AMBP: variants seen among roughly 807,000 people sequenced by gnomAD.
The protein encoded by AMBP is alpha-1-microglobulin/bikunin precursor.
AMBP carries 37 observed loss-of-function variants against 46.3 expected under a neutral mutation model. The ratio of observed to expected loss-of-function variants is 0.80; its 90% CI spans 0.61 to 1.05. AMBP has a LOEUF of 1.05. Among genes scored for constraint, AMBP ranks in the 50% least tolerant of loss-of-function variants. The pLI, the probability that AMBP is intolerant of heterozygous loss-of-function variation, is 0.00. For synonymous variants in AMBP, 174 were observed against 175.9 expected, an observed-to-expected ratio of 0.99 and a Z score of 0.09; for missense variants, 475 against 461.2, an observed-to-expected ratio of 1.03 and a Z score of -0.27.
chr9:114,076,600 C>T lies in AMBP; in HGVS notation c.258G>A (p.Trp86Ter), dbSNP rs535941759. 5.6e-6 allele frequency: 9 copies of T among 1,613,550 alleles called. No individual in the cohort carries two copies. Among genetic ancestry groups the T allele is most frequent in the Middle Eastern group, 3.3e-4 (2 of 6,056 alleles). Residue 86 changes from tryptophan to a stop codon, truncating the protein, a stop_gained and splice_region_variant, in exon 2 of 10, where the codon TGG (tryptophan) becomes TGA (stop). Coordinates refer to ENST00000265132, the MANE Select transcript of AMBP (RefSeq NM_001633.4). LOFTEE classifies it high-confidence loss of function. ...EAEISMTSTR[W>*]RKGVCEETSG... ...TCCAGCCCCACCCTAGTGCTCACCG[C>T]CAACGAGTGCTGGTCATGCTGATCT...
intron 6 of AMBP, among the ~76,000 whole-genome samples, chr9:114,065,770 A>G (rs1169586701): frequency 6.6e-6 from 1 of 152,182 alleles, no homozygotes; most frequent in African/African-American, 2.4e-5. Context: ...AAGAGGACCA[A>G]GGAGTAAATG....
rs368818970 is a variant in AMBP at position 114,061,074 on chromosome 9, C to T, written c.878G>A (p.Arg293Gln). The change falls in exon 9 of 10, where the codon CGG becomes CAG. Residue 293 changes from arginine (R) to glutamine (Q), a missense_variant. Transcript: ENST00000265132. Reference protein sequence around the residue: ...TVAACNLPIVRGPCRAFIQLW... With the variant: ...TVAACNLPIVQGPCRAFIQLW... ...CTGGATGAAGGCTCGGCAGGGGCCC[C>T]GGACTATGGGGAGATTGCAGGCCGC... is the stretch of plus-strand genomic sequence containing the variant. 48 of 1,614,008 alleles carry T rather than the reference C, an allele frequency of 3.0e-5. No homozygotes were observed. Among genetic ancestry groups the T allele is most frequent in the Middle Eastern group, 3.3e-4 (2 of 6,084 alleles).
chr9:114,063,820 T>C (rs1285704749), intron 6 of AMBP, among the ~76,000 whole-genome samples: 1 of 152,282 alleles, frequency 6.6e-6, no homozygotes, highest in East Asian at 1.9e-4. Context: ...AACCACACCA[T>C]AGAGATGATA....
chr9:114,072,871 G>T (rs775159648), intron 5 of AMBP, 54 bp downstream of exon 5: 1 of 1,545,268 alleles, frequency 6.5e-7, no homozygotes, highest in Non-Finnish European at 8.9e-7. Flanking sequence ...GGTCTCTGGC[G>T]CCCACAAGGG....
At chr9:114,064,062 G>A (rs570108448) in intron 6 of AMBP, among the ~76,000 whole-genome samples, 212 of 152,260 alleles carry the variant, frequency 1.4e-3, no homozygotes, top group African/African-American at 4.4e-3. Context: ...AGCATTTAAC[G>A]ACAGAAGTCC....
chr9:114,074,908 G>A (rs1846788794), intron 3 of AMBP, 52 bp downstream of exon 3: 1 of 1,508,966 alleles, frequency 6.6e-7, no homozygotes, highest in Non-Finnish European at 9.2e-7. Context: ...AGGACATCAA[G>A]GTATTTTCAA....
chr9:114,075,720 TG>T (rs1355722319), intron 2 of AMBP, among the ~76,000 whole-genome samples: 2 of 151,974 alleles, frequency 1.3e-5, no homozygotes, highest in Non-Finnish European at 2.9e-5. Flanking sequence ...AAGTACCACA[TG>T]GGGGTAAGTG....
At position 114,072,909 on chromosome 9, in the gene AMBP, G is replaced by A. The variant is rs1249223123; in HGVS notation, c.556+16C>T. The A allele has an allele frequency of 6.2e-7, 1 of 1,611,632 alleles. No homozygotes were observed. On this transcript the variant is annotated intron_variant, in intron 5 of 9. Transcript: ENST00000265132. ...GAAGAGGGGACAGGAATTTGAGGCG[G>A]AGGGGTGCTATGTACCTCGGTCAGC...
intron 6 of AMBP, among the ~76,000 whole-genome samples, chr9:114,067,595 G>T (rs977866273): frequency 2.6e-5 from 4 of 152,098 alleles, no homozygotes; most frequent in African/African-American, 9.7e-5. Flanking sequence ...CATCAAGACA[G>T]GTTTTGTTAA....
At chr9:114,071,628 GA>G (rs1846745647) in intron 5 of AMBP, among the ~76,000 whole-genome samples, 1 of 152,268 alleles carries the variant, frequency 6.6e-6, no homozygotes, top group African/African-American at 2.4e-5. Flanking sequence ...CTGTGAACCA[GA>G]TGGGGAAGTT....
chr9:114,061,413 C>T lies in AMBP; in HGVS notation c.853+11G>A. On this transcript the variant is annotated intron_variant, in intron 8 of 9. Coordinates refer to ENST00000265132, the MANE Select transcript of AMBP (RefSeq NM_001633.4). ...GGTGCAGAGCGCACAGGGGTGGGGA[C>T]CCGCACTCACCCACAGTTCGGCAGG... 6.2e-7 allele frequency: 1 copy of T among 1,614,046 alleles called. No individual in the cohort carries two copies. Among genetic ancestry groups the T allele is most frequent in the Non-Finnish European group, 8.5e-7 (1 of 1,179,982 alleles).
At chr9:114,073,892 G>A (rs891971061) in intron 4 of AMBP, 144 bp downstream of exon 4, 5 of 749,642 alleles carry the variant, frequency 6.7e-6, no homozygotes, top group Non-Finnish European at 1.2e-5. Flanking sequence ...CCTCCAGGGA[G>A]ACTCAGTGAT....
intron 5 of AMBP, 63 bp downstream of exon 5, chr9:114,072,862 G>A: frequency 6.7e-7 from 1 of 1,491,302 alleles, no homozygotes; most frequent in Admixed American, 1.7e-5. Context: ...GGCTGGGATG[G>A]TCTCTGGCGC....
chr9:114,069,928 G>T (rs1452291979), intron 5 of AMBP, 183 bp from the exon 6 acceptor site: 1 of 605,954 alleles, frequency 1.7e-6, no homozygotes, highest in Non-Finnish European at 3.0e-6. Context: ...AGAGACTGGT[G>T]GCTGCACCAT....
chr9:114,062,672 A>G lies in AMBP; in HGVS notation c.685+5T>C, dbSNP rs1846652929. On this transcript the variant is annotated splice_donor_5th_base_variant and intron_variant, in intron 7 of 9. Coordinates refer to ENST00000265132, the MANE Select transcript of AMBP (RefSeq NM_001633.4). ...AGAGGGGGTGAAAAGGCAGGTGTTC[A>G]TTACCTTCTTTCTTGGTGACTTCAG... The G allele has an allele frequency of 6.2e-7, 1 of 1,613,316 alleles. No homozygotes were observed. The highest frequency in any genetic ancestry group is 8.5e-7 in the Non-Finnish European group (1 of 1,179,972).
rs1485146833 is a variant in AMBP at position 114,078,250 on chromosome 9, G to T, written c.-41C>A. The T allele has an allele frequency of 6.3e-6, 10 of 1,584,902 alleles. No homozygotes were observed. The highest frequency in any genetic ancestry group is 8.6e-6 in the Non-Finnish European group (10 of 1,160,538). On this transcript the variant is annotated 5_prime_UTR_variant, in exon 1 of 10. Transcript: ENST00000265132. ...TGCCTTGGTATATCCCACAGGCTCGGTCTAGCAACAGAAGGGCCACCGCCT... is the reference window on the plus strand; with the variant it reads ...TGCCTTGGTATATCCCACAGGCTCGTTCTAGCAACAGAAGGGCCACCGCCT...
rs572209537 is a variant in AMBP at position 114,067,185 on chromosome 9, C to T, written c.603+2514G>A. 3.3e-5 allele frequency among the ~76,000 whole-genome samples: 5 copies of T among 152,148 alleles called. No individual in the cohort carries two copies. The East Asian group carries it at 5.8e-4, about 18-fold the overall frequency. On this transcript the variant is annotated intron_variant, in intron 6 of 9. Transcript: ENST00000265132. The stretch of plus-strand genomic sequence containing the variant: ...CGATCTCCTGACCTCTTGATCTGCC[C>T]GCCTCACCTCCCAAAGTGCTGGGAT...
At chr9:114,067,596 G>A (rs1302510880) in intron 6 of AMBP, among the ~76,000 whole-genome samples, 1 of 152,076 alleles carries the variant, frequency 6.6e-6, no homozygotes, top group Non-Finnish European at 1.5e-5. Flanking sequence ...ATCAAGACAG[G>A]TTTTGTTAAG....
At chr9:114,069,504 T>C (rs944603960) in intron 6 of AMBP, among the ~76,000 whole-genome samples, 195 bp downstream of exon 6, 1 of 152,218 alleles carries the variant, frequency 6.6e-6, no homozygotes, top group Non-Finnish European at 1.5e-5. Flanking sequence ...TCCAGATGGA[T>C]TGGCAACTAG....
Sources: gnomAD v4.1 joint callset for allele counts (sites outside exome capture counted in the v4.1 genomes callset) on GRCh38, gnomAD v4.1.1 for gene constraint, MANE v1.5 for transcripts, NCBI Gene and HGNC (gene_info 2026-07-23, HGNC 2026-07-21) for gene names.